COBL: variants seen among roughly 807,000 people sequenced by gnomAD.
The protein encoded by COBL is cordon-bleu WH2 repeat protein.
COBL carries 51 observed loss-of-function variants against 98.8 expected under a neutral mutation model. The ratio of observed to expected loss-of-function variants is 0.52; its 90% CI spans 0.41 to 0.65. COBL has a LOEUF of 0.65. Among genes scored for constraint, COBL ranks in the 30% least tolerant of loss-of-function variants. The pLI is 0.00. For synonymous variants in COBL, 634 were observed against 651.7 expected, an observed-to-expected ratio of 0.97 and a Z score of 0.41; for missense variants, 1,617 against 1,617.5, an observed-to-expected ratio of 1.00 and a Z score of 0.01.
chr7:51,055,855 C>T (rs1358231451), intron 7 of COBL, among the ~76,000 whole-genome samples: 2 of 152,152 alleles, frequency 1.3e-5, no homozygotes, highest in Non-Finnish European at 2.9e-5. Context: ...AGTTCAAAGA[C>T]AGCTGTCTCC....
intron 7 of COBL, among the ~76,000 whole-genome samples, chr7:51,067,288 T>C (rs974002733): frequency 6.6e-6 from 1 of 152,244 alleles, no homozygotes; most frequent in African/African-American, 2.4e-5. Flanking sequence ...CAAATGTATA[T>C]AGATGTGCAT....
At chr7:51,112,614 C>T (rs1253758045) in intron 6 of COBL, among the ~76,000 whole-genome samples, 1 of 152,154 alleles carries the variant, frequency 6.6e-6, no homozygotes, top group Admixed American at 6.5e-5. Context: ...AGCTGAAATC[C>T]TCCCCTCATT....
chr7:51,272,936 T>C (rs1366418845), intron 1 of COBL, among the ~76,000 whole-genome samples: 1 of 150,450 alleles, frequency 6.6e-6, no homozygotes, highest in East Asian at 1.9e-4. Context: ...TTTTCATCTA[T>C]GGAACACAAT....
chr7:51,017,742 C>A lies in COBL; in HGVS notation c.3769-174G>T, dbSNP rs891645559. 3.3e-5 allele frequency among the ~76,000 whole-genome samples: 5 copies of A among 152,208 alleles called. 1 individual carries two copies. Among genetic ancestry groups the A allele is most frequent in the Admixed American group, 2.0e-4 (3 of 15,282 alleles). On this transcript the variant is annotated intron_variant, in intron 12 of 12. Transcript: ENST00000265136. Reference sequence around the variant, plus strand: ...CTGTGATCAGGGCTGTCCTCACAGACCTTCTCACGCTCCAGCTTCCTCGTA... The same window carrying A: ...CTGTGATCAGGGCTGTCCTCACAGAACTTCTCACGCTCCAGCTTCCTCGTA...
At position 51,105,779 on chromosome 7, in the gene COBL, G is replaced by T. The variant is rs191660960; in HGVS notation, c.958-20475C>A. 7.1e-3 allele frequency among the ~76,000 whole-genome samples: 1,083 copies of T among 152,022 alleles called. 13 individuals carry two copies. The highest frequency in any genetic ancestry group is 0.025 in the African/African-American group (1,051 of 41,490). Reference sequence around the variant, plus strand: ...TCAGATCCACCCTCTGTCCTCCTGGGTTCCCTCCTAGGCTGAGAGAGGCCT... The same window carrying T: ...TCAGATCCACCCTCTGTCCTCCTGGTTTCCCTCCTAGGCTGAGAGAGGCCT... On this transcript the variant is annotated intron_variant, in intron 6 of 12. Coordinates refer to ENST00000265136, the MANE Select transcript of COBL (RefSeq NM_015198.5).
intron 8 of COBL, chr7:51,031,770 G>A (rs182297391): frequency 1.3e-5 from 2 of 152,446 alleles, no homozygotes; most frequent in African/African-American, 4.8e-5. Context: ...GCCACTTGCA[G>A]GGGCAGGGCT....
At chr7:51,265,137 G>A (rs1798086972) in intron 1 of COBL, among the ~76,000 whole-genome samples, 1 of 152,156 alleles carries the variant, frequency 6.6e-6, no homozygotes, top group Non-Finnish European at 1.5e-5. Flanking sequence ...AGAACCTCAG[G>A]GCATTTCTGA....
At chr7:51,150,208 A>G (rs1785428165) in intron 5 of COBL, among the ~76,000 whole-genome samples, 1 of 152,234 alleles carries the variant, frequency 6.6e-6, no homozygotes. Context: ...TGTATCCCAG[A>G]AGTGCCTTAG....
chr7:51,222,143 C>G (rs573686229), intron 1 of COBL, among the ~76,000 whole-genome samples: 1 of 152,032 alleles, frequency 6.6e-6, no homozygotes, highest in Non-Finnish European at 1.5e-5. Flanking sequence ...GAGCCGAGAT[C>G]GCACCACTGC....
intron 5 of COBL, among the ~76,000 whole-genome samples, chr7:51,172,047 CACAGGT>C (rs1383930983): frequency 6.6e-6 from 1 of 152,200 alleles, no homozygotes; most frequent in Non-Finnish European, 1.5e-5. Context: ...AATGTGAGGG[CACAGGT>C]AGTTTTCAGA....
intron 1 of COBL, among the ~76,000 whole-genome samples, chr7:51,284,170 G>A (rs1192929297): frequency 6.0e-5 from 9 of 150,340 alleles, no homozygotes; most frequent in Non-Finnish European, 1.0e-4. Context: ...GCATGGTGGC[G>A]GGTGCCTGTA....
At chr7:51,107,581 T>C (rs1356266885) in intron 6 of COBL, among the ~76,000 whole-genome samples, 3 of 152,208 alleles carry the variant, frequency 2.0e-5, no homozygotes, top group Non-Finnish European at 4.4e-5. Context: ...ATAATCTTTT[T>C]ACTTTTTTAA....
intron 6 of COBL, among the ~76,000 whole-genome samples, chr7:51,109,171 C>T (rs1386884571): frequency 6.6e-6 from 1 of 152,178 alleles, no homozygotes; most frequent in Non-Finnish European, 1.5e-5. Context: ...TGCACACTCT[C>T]GGGCTGCTCC....
chr7:51,045,602 T>C (rs1250549047), intron 7 of COBL, among the ~76,000 whole-genome samples: 8 of 152,138 alleles, frequency 5.3e-5, no homozygotes, highest in Non-Finnish European at 1.0e-4. Flanking sequence ...AAAGTGACCT[T>C]AACAAATGTG....
chr7:51,185,071 C>A (rs954646602), intron 4 of COBL, among the ~76,000 whole-genome samples: 1 of 152,162 alleles, frequency 6.6e-6, no homozygotes, highest in African/African-American at 2.4e-5. Flanking sequence ...AAATCCTCAA[C>A]CCCTCTTGAA....
At chr7:51,225,359 C>T (rs757939110) in intron 1 of COBL, among the ~76,000 whole-genome samples, 1 of 152,234 alleles carries the variant, frequency 6.6e-6, no homozygotes, top group South Asian at 2.1e-4. Flanking sequence ...AGTAGGCCTT[C>T]TGCACAAGTC....
intron 1 of COBL, among the ~76,000 whole-genome samples, chr7:51,227,062 C>T (rs1183320483): frequency 6.6e-6 from 1 of 152,126 alleles, no homozygotes; most frequent in Non-Finnish European, 1.5e-5. Flanking sequence ...GGGTTCCTGG[C>T]AGACTGATGC....
At chr7:51,041,813 A>G (rs370047450) in intron 8 of COBL, among the ~76,000 whole-genome samples, 2 of 152,116 alleles carry the variant, frequency 1.3e-5, no homozygotes, top group Non-Finnish European at 2.9e-5. Flanking sequence ...TAACATTTCC[A>G]TAATATTTAT....
intron 1 of COBL, among the ~76,000 whole-genome samples, chr7:51,291,315 AAGTCCTAGCCAGG>A (rs1169784661): frequency 1.3e-5 from 2 of 152,222 alleles, no homozygotes; most frequent in Non-Finnish European, 2.9e-5. Context: ...GTGTCTTCCA[AAGTCCTAGCCAGG>A]AGTCCTAGCA....
Sources: allele counts gnomAD v4.1 joint callset (sites outside exome capture counted in the v4.1 genomes callset), GRCh38; gene constraint gnomAD v4.1.1; transcripts MANE v1.5; gene names NCBI Gene and HGNC (gene_info 2026-07-23, HGNC 2026-07-21).